Variants in DST observed in about 807,000 individuals in gnomAD.
DST encodes the protein dystonin.
In DST, 253 loss-of-function variants were observed where a neutral mutation model predicts 875.2. That is an observed-to-expected ratio of 0.29 (90% CI 0.26 to 0.32). The LOEUF (loss-of-function observed/expected upper bound fraction) is 0.32, where lower values mean the gene tolerates loss of function less well. DST is among the 10% of genes least tolerant of loss of function. The pLI, the probability that DST is intolerant of heterozygous loss-of-function variation, is 1.00. For missense variants in DST, 8,287 were observed against 9,111.6 expected (o/e 0.91, Z 3.68); for synonymous variants, 3,124 against 3,197.1 (o/e 0.98, Z 0.77).
intron 69 of DST, among the ~76,000 whole-genome samples, chr6:56,524,157 T>A (rs1209135246): frequency 6.6e-6 from 1 of 152,148 alleles, no homozygotes; most frequent in East Asian, 1.9e-4. Flanking sequence ...CCTTATAAAA[T>A]ATTTCAGGGA....
intron 63 of DST, among the ~76,000 whole-genome samples, chr6:56,532,853 A>G (rs1369029983): frequency 6.6e-6 from 1 of 152,240 alleles, no homozygotes; most frequent in Non-Finnish European, 1.5e-5. Context: ...CATTATCGGA[A>G]TGAAATAAGA....
At chr6:56,722,386 T>C (rs2099422138) in intron 5 of DST, among the ~76,000 whole-genome samples, 1 of 146,728 alleles carries the variant, frequency 6.8e-6, no homozygotes, top group Non-Finnish European at 1.5e-5. Flanking sequence ...ATTTATTTAT[T>C]TATTTATTTA....
rs151288304 is a variant in DST at position 56,662,454 on chromosome 6, T to C, written c.1214+8187A>G. On this transcript the variant is annotated intron_variant, in intron 10 of 103. Coordinates refer to ENST00000680361, the MANE Select transcript of DST (RefSeq NM_001374736.1). ...AATACCATATGGTATTTTTTAAAAA[T>C]CACAGATACAAGAAAAAGTAGGACT... Among the ~76,000 whole-genome samples the C allele has an allele frequency of 1.4e-3, 212 of 152,298 alleles. 1 individual carries two copies. The highest frequency in any genetic ancestry group is 5.0e-3 in the African/African-American group (207 of 41,570).
intron 10 of DST, among the ~76,000 whole-genome samples, chr6:56,657,177 T>C (rs2099013122): frequency 6.6e-6 from 1 of 152,106 alleles, no homozygotes; most frequent in Non-Finnish European, 1.5e-5. Context: ...ATCCACAATG[T>C]CATCAGGCAA....
intron 59 of DST, 41 bp downstream of exon 59, chr6:56,557,278 A>C: frequency 6.4e-7 from 1 of 1,568,082 alleles, no homozygotes; most frequent in Non-Finnish European, 8.6e-7. Context: ...CAGTAAGTCA[A>C]ATTGCTATGC....
At chr6:56,503,809 T>C (rs973486191) in intron 78 of DST, among the ~76,000 whole-genome samples, 188 bp downstream of exon 78, 3 of 152,170 alleles carry the variant, frequency 2.0e-5, no homozygotes, top group Non-Finnish European at 4.4e-5. Context: ...CTATTAATAG[T>C]ATTTCTTTCC....
rs530629953 is a variant in DST at position 56,603,434 on chromosome 6, T to C, written c.10942-14A>G. On this transcript the variant is annotated splice_polypyrimidine_tract_variant and intron_variant, in intron 41 of 103. Coordinates refer to ENST00000680361, the MANE Select transcript of DST (RefSeq NM_001374736.1). Reference sequence around the variant, plus strand: ...CAATTCAAATGTCTGCAAAGAAATATATCCCGGACCTATTTACTATTTAGT... The same window carrying C: ...CAATTCAAATGTCTGCAAAGAAATACATCCCGGACCTATTTACTATTTAGT... 1.9e-6 allele frequency: 3 copies of C among 1,607,046 alleles called. No individual in the cohort carries two copies. The East Asian group carries it at 6.7e-5, about 36-fold the overall frequency.
chr6:56,871,329 T>A (rs1294281989), intron 3 of DST: 1 of 930,346 alleles, frequency 1.1e-6, no homozygotes, highest in Non-Finnish European at 1.8e-6. Flanking sequence ...AGCCACGAAG[T>A]ATCTGAAAGA....
intron 2 of DST, among the ~76,000 whole-genome samples, chr6:56,923,852 G>T (rs912387631): frequency 6.6e-6 from 1 of 152,180 alleles, no homozygotes; most frequent in African/African-American, 2.4e-5. Context: ...GGCCAGGCAT[G>T]GTGGCTCATG....
At chr6:56,720,366 T>TG (rs71303773) in intron 5 of DST, among the ~76,000 whole-genome samples, 8 of 150,912 alleles carry the variant, frequency 5.3e-5, no homozygotes, top group African/African-American at 1.7e-4. Context: ...TTTTTTTTTT[T>TG]AGTATTTATT....
Position 56,632,787 on chromosome 6 carries a change from T to C in DST, c.3805+67A>G, listed in dbSNP as rs978906739. ...ATATACCTAAGATTGAGATTCCCAT[T>C]GAGAGCAAAAAATAGCCAGAACTAA... On this transcript the variant is annotated intron_variant, in intron 28 of 103. Transcript: ENST00000680361. 35 of 1,358,906 alleles carry C rather than the reference T, an allele frequency of 2.6e-5. 1 individual carries two copies. The South Asian group carries it at 4.2e-4, about 16-fold the overall frequency. The allele number at this position is 1,358,906 out of a possible 1,614,324, so 84.2% of individuals were successfully genotyped here.
chr6:56,482,330 A>T, intron 89 of DST, 152 bp from the exon 90 acceptor site: 1 of 898,498 alleles, frequency 1.1e-6, no homozygotes, highest in Non-Finnish European at 1.5e-6. Context: ...GAAGATAGAG[A>T]TACACATATT....
intron 12 of DST, among the ~76,000 whole-genome samples, chr6:56,650,507 T>C (rs182155829): frequency 1.9e-3 from 291 of 152,234 alleles, no homozygotes; most frequent in Non-Finnish European, 2.0e-3. Flanking sequence ...ATCACAAAAA[T>C]GTTATCAAGC....
chr6:56,893,532 C>CA (rs1490307025), intron 3 of DST, among the ~76,000 whole-genome samples: 44 of 116,508 alleles, frequency 3.8e-4, no homozygotes, highest in Admixed American at 3.7e-3. Flanking sequence ...AGTGGGATTG[C>CA]TGGATCAAAT....
Position 56,954,687 on chromosome 6 carries a change from C to T in DST, c.-100G>A, listed in dbSNP as rs1824324015. 2 of 753,900 alleles carry T rather than the reference C, an allele frequency of 2.7e-6. No individual in the cohort carries two copies. The highest frequency in any genetic ancestry group is 5.7e-5 in the South Asian group (1 of 17,402). The allele number at this position is 753,900 out of a possible 1,614,324, so 46.7% of individuals were successfully genotyped here. A position where few individuals can be genotyped will look rare whatever the true frequency, so the allele number is the denominator to read the frequency against. On this transcript the variant is annotated 5_prime_UTR_variant, in exon 1 of 104. Transcript: ENST00000680361. ...CCGGGACGGCGGGCACGGGTGAGCGCGGCTCAGCGCGTCATGCCTGGCGCT... is the reference window on the plus strand; with the variant it reads ...CCGGGACGGCGGGCACGGGTGAGCGTGGCTCAGCGCGTCATGCCTGGCGCT...
At chr6:56,676,940 G>C (rs1293920550) in intron 9 of DST, among the ~76,000 whole-genome samples, 1 of 152,130 alleles carries the variant, frequency 6.6e-6, no homozygotes, top group South Asian at 2.1e-4. Context: ...TTTCAGTTAA[G>C]AGGAATAAAT....
chr6:56,560,714 T>C (rs952493097), intron 57 of DST, among the ~76,000 whole-genome samples: 1 of 152,124 alleles, frequency 6.6e-6, no homozygotes, highest in African/African-American at 2.4e-5. Flanking sequence ...CACTCTGGAA[T>C]AAAGCAAGAT....
At chr6:56,769,973 G>A (rs2099645404) in intron 4 of DST, among the ~76,000 whole-genome samples, 1 of 152,220 alleles carries the variant, frequency 6.6e-6, no homozygotes, top group Non-Finnish European at 1.5e-5. Flanking sequence ...AAACTCATGT[G>A]TAAGGAAATC....
Position 56,602,911 on chromosome 6 carries a change from A to C in DST, c.11278T>G (p.Tyr3760Asp), listed in dbSNP as rs957533787. 1.9e-6 allele frequency: 3 copies of C among 1,560,230 alleles called. No homozygotes were observed. Among genetic ancestry groups the C allele is most frequent in the Non-Finnish European group, 2.6e-6 (3 of 1,162,394 alleles). The change falls in exon 43 of 104, where the codon TAT becomes GAT. Residue 3760 changes from tyrosine to aspartate, a missense_variant. Tyr to Asp is a radical substitution (Grantham distance 160). Transcript: ENST00000680361. ...IEIVNVQDSE[Y>D]VKKRLEFLKN... ...AGAAACTCCAAACGTTTCTTTACAT[A>C]CTCAGAATCTTGAACATTCACAATC...
Sources: allele counts gnomAD v4.1 joint callset (sites outside exome capture counted in the v4.1 genomes callset), GRCh38; gene constraint gnomAD v4.1.1; transcripts MANE v1.5; gene names NCBI Gene and HGNC (gene_info 2026-07-23, HGNC 2026-07-21).